ZFHX3: variants seen among roughly 807,000 people sequenced by gnomAD.
The protein encoded by ZFHX3 is zinc finger homeobox 3, also known as zinc finger homeobox protein 3.
A neutral mutation model predicts 279.1 loss-of-function variants in ZFHX3; 42 were observed. The ratio of observed to expected loss-of-function variants is 0.15; its 90% CI spans 0.12 to 0.19. ZFHX3 has a LOEUF of 0.19. ZFHX3 is among the 10% of genes least tolerant of loss of function. ZFHX3 has a pLI of 1.00. For synonymous variants in ZFHX3, 2,293 were observed against 1,957.8 expected (o/e 1.17, Z -4.52); for missense variants, 4,981 against 4,754.0 (o/e 1.05, Z -1.40).
chr16:73,070,932 GCGCGCGCACACACACACACA>G (rs1965818022), intron 8 of ZFHX3, among the ~76,000 whole-genome samples: 1 of 29,912 alleles, frequency 3.3e-5, no homozygotes, highest in African/African-American at 7.9e-5. Context: ...GCGCGCGCGC[GCGCGCGCACACACACACACA>G]CACACACACA....
intron 6 of ZFHX3, among the ~76,000 whole-genome samples, chr16:73,133,507 C>G (rs1250846248): frequency 1.3e-5 from 2 of 151,978 alleles, no homozygotes; most frequent in Non-Finnish European, 2.9e-5. Flanking sequence ...GGACCCTAAT[C>G]CAATAAGACT....
At chr16:72,833,716 G>A (rs1039573798) in intron 4 of ZFHX3, among the ~76,000 whole-genome samples, 2 of 152,134 alleles carry the variant, frequency 1.3e-5, no homozygotes, top group African/African-American at 4.8e-5. Context: ...GTTCTGGGCA[G>A]GAGGTAGCAG....
Position 72,917,710 on chromosome 16 carries a change from C to T in ZFHX3, c.3217-27748G>A, listed in dbSNP as rs534510118. On this transcript the variant is annotated intron_variant, in intron 3 of 9. Coordinates refer to ENST00000268489, the MANE Select transcript of ZFHX3 (RefSeq NM_006885.4). ...ATCTGTACAGAAGAGGCCAAAATGACATATACCAAAATGTTTAAAATTTAA... is the reference window on the plus strand; with the variant it reads ...ATCTGTACAGAAGAGGCCAAAATGATATATACCAAAATGTTTAAAATTTAA... Among the ~76,000 whole-genome samples, 13 of 152,294 alleles carry T rather than the reference C, an allele frequency of 8.5e-5. No individual in the cohort carries two copies. In the South Asian group the frequency reaches 2.7e-3, roughly 32 times the overall value.
intron 1 of ZFHX3, among the ~76,000 whole-genome samples, chr16:73,761,310 AAAC>A (rs1268296257): frequency 6.6e-6 from 1 of 152,204 alleles, no homozygotes; most frequent in Non-Finnish European, 1.5e-5. Context: ...GGAGAACTAC[AAAC>A]AACTGCTCAA....
chr16:73,468,082 T>A (rs2018603021), intron 2 of ZFHX3, among the ~76,000 whole-genome samples: 1 of 152,218 alleles, frequency 6.6e-6, no homozygotes, highest in Non-Finnish European at 1.5e-5. Context: ...GTTACAAATG[T>A]CAGACAGTCC....
intron 1 of ZFHX3, among the ~76,000 whole-genome samples, chr16:73,034,012 G>C (rs1482901165): frequency 6.6e-6 from 1 of 151,944 alleles, no homozygotes; most frequent in Non-Finnish European, 1.5e-5. Flanking sequence ...CTATTTCACT[G>C]AGAAGAGCTG....
chr16:73,620,193 C>T (rs1054261848), intron 2 of ZFHX3, among the ~76,000 whole-genome samples: 2 of 152,194 alleles, frequency 1.3e-5, no homozygotes, highest in Non-Finnish European at 2.9e-5. Context: ...GGGCACCCAG[C>T]ATACTAGAGG....
chr16:73,476,012 A>C (rs1410216375), intron 2 of ZFHX3, among the ~76,000 whole-genome samples: 1 of 152,164 alleles, frequency 6.6e-6, no homozygotes, highest in African/African-American at 2.4e-5. Context: ...TTCCAAAAAG[A>C]AATCGTAATT....
At chr16:73,040,556 G>A (rs992558602) in intron 1 of ZFHX3, among the ~76,000 whole-genome samples, 9 of 151,610 alleles carry the variant, frequency 5.9e-5, no homozygotes, top group Non-Finnish European at 1.3e-4. Flanking sequence ...GACAGAAGGG[G>A]AGGGCTGGGG....
chr16:73,542,688 G>A (rs1597375514), intron 2 of ZFHX3, among the ~76,000 whole-genome samples: 1 of 151,974 alleles, frequency 6.6e-6, no homozygotes, highest in Non-Finnish European at 1.5e-5. Flanking sequence ...ACAAAAAGAT[G>A]CCCAGTTAAA....
chr16:72,980,617 CA>C (rs1170214060), intron 1 of ZFHX3, among the ~76,000 whole-genome samples: 3 of 108,232 alleles, frequency 2.8e-5, no homozygotes, highest in African/African-American at 1.0e-4. Flanking sequence ...AAAAAAAAAA[CA>C]AAAACAGCTG....
At chr16:72,835,977 T>C (rs1459804825) in intron 4 of ZFHX3, among the ~76,000 whole-genome samples, 2 of 152,238 alleles carry the variant, frequency 1.3e-5, no homozygotes, top group African/African-American at 4.8e-5. Flanking sequence ...ATATAAAAGA[T>C]GACTACTAAG....
intron 4 of ZFHX3, among the ~76,000 whole-genome samples, chr16:73,281,888 T>C (rs1167074825): frequency 6.6e-6 from 1 of 152,176 alleles, no homozygotes; most frequent in Non-Finnish European, 1.5e-5. Context: ...AGGGGCAGCA[T>C]ACCTGATTAC....
intron 1 of ZFHX3, among the ~76,000 whole-genome samples, chr16:73,741,177 C>G (rs1001303523): frequency 5.3e-5 from 8 of 151,904 alleles, no homozygotes; most frequent in Non-Finnish European, 8.8e-5. Context: ...ATTACAGGCG[C>G]CTGCCACGAC....
chr16:72,979,238 A>C (rs1368365174), intron 1 of ZFHX3, among the ~76,000 whole-genome samples: 1 of 152,232 alleles, frequency 6.6e-6, no homozygotes, highest in Non-Finnish European at 1.5e-5. Context: ...GGCTGGAACC[A>C]CAGGTGGGCT....
chr16:73,319,129 G>A (rs556133765), intron 3 of ZFHX3, among the ~76,000 whole-genome samples: 2 of 152,126 alleles, frequency 1.3e-5, no homozygotes, highest in Admixed American at 6.5e-5. Context: ...GGCAGAGGAC[G>A]CACAAGGACC....
chr16:73,773,429 T>A (rs899305151), intron 1 of ZFHX3, among the ~76,000 whole-genome samples: 1 of 152,180 alleles, frequency 6.6e-6, no homozygotes, highest in Non-Finnish European at 1.5e-5. Flanking sequence ...CCTTTATGCA[T>A]CCAACACACA....
chr16:72,967,429 A>G (rs903219102), intron 1 of ZFHX3, among the ~76,000 whole-genome samples: 3 of 152,212 alleles, frequency 2.0e-5, no homozygotes, highest in Non-Finnish European at 2.9e-5. Context: ...AATGTGTAAC[A>G]TAACAATCCC....
intron 2 of ZFHX3, among the ~76,000 whole-genome samples, chr16:73,630,659 C>T (rs528047546): frequency 4.5e-4 from 69 of 152,246 alleles, no homozygotes; most frequent in African/African-American, 1.7e-3. Context: ...CAAGTTGTGA[C>T]ATAAGAGAAC....
Sources: allele counts gnomAD v4.1 joint callset (sites outside exome capture counted in the v4.1 genomes callset), GRCh38; gene constraint gnomAD v4.1.1; transcripts MANE v1.5; gene names NCBI Gene and HGNC (gene_info 2026-07-23, HGNC 2026-07-21).